Variants in APBB1IP observed in about 807,000 individuals in gnomAD.
APBB1IP encodes amyloid beta precursor protein binding family B member 1 interacting protein.
APBB1IP carries 27 observed loss-of-function variants against 64.9 expected under a neutral mutation model. The observed-to-expected ratio is 0.42, with a 90% CI of 0.31 to 0.57. The LOEUF is 0.57. Ranked by LOEUF, APBB1IP falls within the 20% of genes least tolerant of loss-of-function variation. APBB1IP has a pLI of 0.20. For synonymous variants in APBB1IP, 392 were observed against 331.0 expected (o/e 1.18, Z -2.00); for missense variants, 812 against 845.5 (o/e 0.96, Z 0.49).
chr10:26,556,972 G>C (rs138053009), intron 11 of APBB1IP, among the ~76,000 whole-genome samples: 1 of 152,314 alleles, frequency 6.6e-6, no homozygotes, highest in African/African-American at 2.4e-5. Context: ...TGTTATTGTT[G>C]AAGGGAATGC....
At chr10:26,473,999 CAAAAA>C (rs35712977) in intron 2 of APBB1IP, among the ~76,000 whole-genome samples, 1 of 67,356 alleles carries the variant, frequency 1.5e-5, no homozygotes, top group African/African-American at 5.6e-5. Context: ...CACCCTGTCT[CAAAAA>C]AAAAAAAAAA....
chr10:26,562,102 G>C, intron 13 of APBB1IP: 1 of 438,654 alleles, frequency 2.3e-6, no homozygotes, highest in Non-Finnish European at 4.2e-6. Flanking sequence ...CTCATATAAA[G>C]TTTTGTCACA....
chr10:26,443,816 C>T (rs1314461513), intron 2 of APBB1IP, among the ~76,000 whole-genome samples: 4 of 152,142 alleles, frequency 2.6e-5, no homozygotes, highest in Non-Finnish European at 5.9e-5. Flanking sequence ...GGATCACAGA[C>T]ATGAGCCACT....
At chr10:26,503,358 G>C in intron 6 of APBB1IP, 84 bp downstream of exon 6, 2 of 1,383,710 alleles carry the variant, frequency 1.4e-6, no homozygotes, top group Non-Finnish European at 1.0e-6. Flanking sequence ...AAATAAAGCC[G>C]GGCGCGGTGG....
Position 26,496,193 on chromosome 10 carries a change from A to T in APBB1IP, c.73-111A>T. On this transcript the variant is annotated intron_variant, in intron 3 of 14. Transcript: ENST00000376236. ...TTACCATATGGTTTTCAGAGAACAC[A>T]CTAAGGGAGAAAATGTGTAAATGAT... The T allele has an allele frequency of 6.4e-6, 5 of 781,488 alleles. No homozygotes were observed. The South Asian group carries it at 8.8e-5, about 14-fold the overall frequency. The allele number at this position is 781,488 out of a possible 1,614,324, so 48.4% of individuals were successfully genotyped here. A position where few individuals can be genotyped will look rare whatever the true frequency, so the allele number is the denominator to read the frequency against.
chr10:26,562,190 G>A (rs534016003), intron 13 of APBB1IP, 136 bp from the exon 14 acceptor site: 4 of 665,268 alleles, frequency 6.0e-6, no homozygotes, highest in Non-Finnish European at 2.6e-6. Context: ...TTTTATTTTT[G>A]TTTTTTTTGT....
intron 6 of APBB1IP, among the ~76,000 whole-genome samples, chr10:26,508,311 G>T (rs921034334): frequency 1.3e-5 from 2 of 151,656 alleles, no homozygotes; most frequent in Non-Finnish European, 2.9e-5. Flanking sequence ...AACAGAATCA[G>T]ACTCATGCAT....
At chr10:26,511,601 G>A (rs1836260685) in intron 6 of APBB1IP, 146 bp from the exon 7 acceptor site, 1 of 870,242 alleles carries the variant, frequency 1.1e-6, no homozygotes, top group Non-Finnish European at 1.7e-6. Context: ...ACAAGTGCTT[G>A]GCATGCAAGT....
intron 8 of APBB1IP, among the ~76,000 whole-genome samples, chr10:26,532,979 T>C (rs1416173062): frequency 1.3e-5 from 2 of 152,248 alleles, no homozygotes; most frequent in Non-Finnish European, 2.9e-5. Context: ...CTGGATTCTC[T>C]TGATAAGCCA....
At chr10:26,503,516 T>C (rs1360156054) in intron 6 of APBB1IP, among the ~76,000 whole-genome samples, 1 of 152,014 alleles carries the variant, frequency 6.6e-6, no homozygotes, top group East Asian at 1.9e-4. Flanking sequence ...GTGCCTGTAG[T>C]CCCAGCTACT....
chr10:26,492,562 G>A (rs1835969038), intron 3 of APBB1IP, among the ~76,000 whole-genome samples, 164 bp downstream of exon 3: 1 of 152,100 alleles, frequency 6.6e-6, no homozygotes, highest in African/African-American at 2.4e-5. Flanking sequence ...AGTGACGGCG[G>A]GTCTGAGAAA....
At chr10:26,528,562 T>C (rs1836508589) in intron 8 of APBB1IP, among the ~76,000 whole-genome samples, 1 of 152,182 alleles carries the variant, frequency 6.6e-6, no homozygotes, top group South Asian at 2.1e-4. Flanking sequence ...TCTTCCCCAT[T>C]GACAGATATA....
At chr10:26,476,886 C>T (rs542572601) in intron 2 of APBB1IP, among the ~76,000 whole-genome samples, 5 of 152,202 alleles carry the variant, frequency 3.3e-5, no homozygotes, top group East Asian at 3.9e-4. Context: ...CTACAATCTC[C>T]GCCTCCCAGG....
rs560690534 is a variant in APBB1IP at position 26,516,257 on chromosome 10, C to G, written c.813+2597C>G. On this transcript the variant is annotated intron_variant, in intron 8 of 14. Coordinates refer to ENST00000376236, the MANE Select transcript of APBB1IP (RefSeq NM_019043.4). ...TCTCCAAAGATGAATTTGAGGGCTT[C>G]AATATTTAAAGGGGATGCCAGGCAC... 1.5e-4 allele frequency among the ~76,000 whole-genome samples: 23 copies of G among 151,976 alleles called. 1 individual carries two copies. In the South Asian group the frequency reaches 4.8e-3, roughly 32 times the overall value.
At chr10:26,512,868 A>T (rs1023329617) in intron 7 of APBB1IP, among the ~76,000 whole-genome samples, 1 of 152,172 alleles carries the variant, frequency 6.6e-6, no homozygotes, top group African/African-American at 2.4e-5. Flanking sequence ...TCTGGATAAG[A>T]TGGTTTACAC....
intron 8 of APBB1IP, among the ~76,000 whole-genome samples, chr10:26,515,111 G>A (rs576900594): frequency 6.8e-6 from 1 of 147,844 alleles, no homozygotes; most frequent in Non-Finnish European, 1.5e-5. Context: ...TTGATCTCCT[G>A]ACCTCGTGAT....
At chr10:26,541,514 AAGG>A in intron 10 of APBB1IP, 65 bp from the exon 11 acceptor site, 8 of 1,002,890 alleles carry the variant, frequency 8.0e-6, no homozygotes, top group Non-Finnish European at 1.2e-5. Context: ...TTGTGCTATG[AAGG>A]ACAACTCTGG....
At position 26,508,315 on chromosome 10, in the gene APBB1IP, C is replaced by G. The variant is rs143544247; in HGVS notation, c.532-3432C>G. ...TTGGAACTAGAAACAGAATCAGACT[C>G]ATGCATTACTTTTATTGTTTTTTTA... On this transcript the variant is annotated intron_variant, in intron 6 of 14. Transcript: ENST00000376236. Among the ~76,000 whole-genome samples the G allele has an allele frequency of 4.6e-3, 694 of 151,842 alleles. 8 individuals are homozygous for G. The highest frequency in any genetic ancestry group is 0.014 in the African/African-American group (596 of 41,424).
At chr10:26,521,238 G>T (rs1836397768) in intron 8 of APBB1IP, among the ~76,000 whole-genome samples, 1 of 152,166 alleles carries the variant, frequency 6.6e-6, no homozygotes, top group Non-Finnish European at 1.5e-5. Flanking sequence ...ACCATCATTG[G>T]TTCTCCAGAG....
Sources: allele counts gnomAD v4.1 joint callset (sites outside exome capture counted in the v4.1 genomes callset), GRCh38; gene constraint gnomAD v4.1.1; transcripts MANE v1.5; gene names NCBI Gene and HGNC (gene_info 2026-07-23, HGNC 2026-07-21).